The following HCRTR2 variants were observed in gnomAD, a reference collection of about 807,000 sequenced individuals.
The protein encoded by HCRTR2 is hypocretin receptor 2.
In HCRTR2, 22 loss-of-function variants were observed where a neutral mutation model predicts 49.0. That is an observed-to-expected ratio of 0.45 (90% CI 0.32 to 0.64). HCRTR2 has a LOEUF of 0.64. Ranked by LOEUF, HCRTR2 falls within the 30% of genes least tolerant of loss-of-function variation. The pLI is 0.04. For synonymous variants in HCRTR2, 236 were observed against 205.3 expected (o/e 1.15, Z -1.28); for missense variants, 491 against 559.4 (o/e 0.88, Z 1.23).
intron 1 of HCRTR2, among the ~76,000 whole-genome samples, chr6:55,235,369 C>T (rs1008739941): frequency 6.6e-6 from 1 of 152,036 alleles, no homozygotes; most frequent in African/African-American, 2.4e-5. Flanking sequence ...ACAGCAGTGG[C>T]AACAACAAAG....
At chr6:55,127,841 G>C (rs1581785904) in intron 1 of HCRTR2, among the ~76,000 whole-genome samples, 1 of 152,100 alleles carries the variant, frequency 6.6e-6, no homozygotes, top group African/African-American at 2.4e-5. Context: ...TAGATGAATA[G>C]TTTGTAAAAT....
intron 4 of HCRTR2, among the ~76,000 whole-genome samples, chr6:55,271,005 A>G (rs1452327742): frequency 1.3e-5 from 2 of 152,200 alleles, no homozygotes; most frequent in Non-Finnish European, 2.9e-5. Context: ...TACAATTCCT[A>G]TGAAAATCCC....
intron 1 of HCRTR2, among the ~76,000 whole-genome samples, chr6:55,106,848 GC>G (rs1763981959): frequency 6.6e-6 from 1 of 151,984 alleles, no homozygotes; most frequent in East Asian, 1.9e-4. Flanking sequence ...ATGCCTACAT[GC>G]CCCTTTTGCT....
At chr6:55,233,114 T>A (rs9464212) in intron 1 of HCRTR2, among the ~76,000 whole-genome samples, 49,408 of 150,242 alleles carry the variant, frequency 0.33, 8,662 homozygotes, top group African/African-American at 0.45. Context: ...TTTTTGATGG[T>A]GTCTTGCTCT....
chr6:55,241,193 A>G (rs897758312), intron 1 of HCRTR2, among the ~76,000 whole-genome samples: 5 of 139,998 alleles, frequency 3.6e-5, no homozygotes, highest in East Asian at 2.1e-4. Flanking sequence ...TCATTGTTCA[A>G]TTCCCACCTA....
chr6:55,163,596 C>A (rs1052599843), intron 1 of HCRTR2, among the ~76,000 whole-genome samples: 1 of 152,124 alleles, frequency 6.6e-6, no homozygotes, highest in African/African-American at 2.4e-5. Flanking sequence ...AAACGGGACT[C>A]CTCCCTTACA....
chr6:55,108,837 G>C (rs1764010246), intron 1 of HCRTR2, among the ~76,000 whole-genome samples: 1 of 152,106 alleles, frequency 6.6e-6, no homozygotes, highest in African/African-American at 2.4e-5. Flanking sequence ...TTGGGGTGAA[G>C]GGAGAGAGCA....
chr6:55,258,805 C>A lies in HCRTR2; in HGVS notation c.646+3426C>A, dbSNP rs1406694693. On this transcript the variant is annotated intron_variant, in intron 3 of 6. Transcript: ENST00000370862. The stretch of plus-strand genomic sequence containing the variant: ...TGGTGGCTCAAGCCTGTAATCCCAG[C>A]ACTTTGGGAGGCCGAGATGGGCGGA... Among the ~76,000 whole-genome samples the A allele has an allele frequency of 4.6e-5, 7 of 152,194 alleles. No individual in the cohort carries two copies. In the East Asian group the frequency reaches 1.2e-3, roughly 25 times the overall value.
At chr6:55,124,996 C>T (rs1020003215) in intron 1 of HCRTR2, among the ~76,000 whole-genome samples, 10 of 151,302 alleles carry the variant, frequency 6.6e-5, no homozygotes, top group African/African-American at 2.4e-4. Flanking sequence ...TATTTTGAGC[C>T]TATATGTGTC....
At chr6:55,201,341 C>G (rs564170848) in intron 1 of HCRTR2, among the ~76,000 whole-genome samples, 2 of 152,056 alleles carry the variant, frequency 1.3e-5, no homozygotes, top group African/African-American at 4.8e-5. Context: ...CTTTGCTGTT[C>G]TCTTTTCTCT....
intron 4 of HCRTR2, among the ~76,000 whole-genome samples, chr6:55,266,086 G>A (rs2127324369): frequency 6.6e-6 from 1 of 152,208 alleles, no homozygotes; most frequent in Admixed American, 6.6e-5. Flanking sequence ...TTGCTTAGAT[G>A]AATTAACTCA....
chr6:55,210,036 A>T (rs540810835), intron 1 of HCRTR2, among the ~76,000 whole-genome samples: 2 of 151,992 alleles, frequency 1.3e-5, no homozygotes, highest in African/African-American at 4.8e-5. Context: ...ACTTTTAGAT[A>T]AAAAAAACTA....
intron 4 of HCRTR2, among the ~76,000 whole-genome samples, chr6:55,275,070 T>C (rs2653348): frequency 0.56 from 85,491 of 151,928 alleles, 24,264 homozygotes; most frequent in East Asian, 0.65. Flanking sequence ...CATTGTTTAT[T>C]CATAATGTTT....
At chr6:55,120,520 C>T (rs143116604) in intron 1 of HCRTR2, among the ~76,000 whole-genome samples, 3,922 of 148,880 alleles carry the variant, frequency 0.026, 198 homozygotes, top group African/African-American at 0.093. Context: ...TTGTAGCAGT[C>T]GTGAATGGGA....
intron 1 of HCRTR2, among the ~76,000 whole-genome samples, chr6:55,237,645 C>A (rs1376593260): frequency 6.6e-6 from 1 of 152,192 alleles, no homozygotes. Context: ...CTCCCTCTTG[C>A]ATTTTCTCCA....
At chr6:55,176,019 T>A (rs1351582570) in intron 1 of HCRTR2, among the ~76,000 whole-genome samples, 1 of 152,108 alleles carries the variant, frequency 6.6e-6, no homozygotes, top group African/African-American at 2.4e-5. Context: ...GGCTTTGCAG[T>A]CAAAAGCAAA....
intron 1 of HCRTR2, among the ~76,000 whole-genome samples, chr6:55,134,864 T>C (rs1215560336): frequency 6.6e-6 from 1 of 152,070 alleles, no homozygotes; most frequent in Non-Finnish European, 1.5e-5. Flanking sequence ...TCTCTGTGTG[T>C]ATATGAAATA....
intron 3 of HCRTR2, among the ~76,000 whole-genome samples, chr6:55,262,765 AAT>A (rs3065669): frequency 0.52 from 71,832 of 138,530 alleles, 18,805 homozygotes; most frequent in African/African-American, 0.6. Context: ...TTAGGTAGGG[AAT>A]ATATATATAT....
intron 1 of HCRTR2, among the ~76,000 whole-genome samples, chr6:55,232,758 A>T (rs1380775010): frequency 2.0e-5 from 3 of 152,232 alleles, no homozygotes; most frequent in Admixed American, 2.0e-4. Flanking sequence ...CCATTAAAAC[A>T]GTCCTATAAA....
Sources: gnomAD v4.1 joint callset for allele counts (sites outside exome capture counted in the v4.1 genomes callset) on GRCh38, gnomAD v4.1.1 for gene constraint, MANE v1.5 for transcripts, NCBI Gene and HGNC (gene_info 2026-07-23, HGNC 2026-07-21) for gene names.